Variants in HYOU1 observed in about 807,000 individuals in gnomAD.
HYOU1 encodes hypoxia up-regulated protein 1.
HYOU1 carries 40 observed loss-of-function variants against 120.5 expected under a neutral mutation model. That is an observed-to-expected ratio of 0.33 (90% CI 0.26 to 0.43). The LOEUF is 0.43. HYOU1 is among the 20% of genes least tolerant of loss of function. The probability of loss-of-function intolerance (pLI) is 1.00; values close to 1 mark genes in which losing one functional copy is unlikely to be tolerated. For synonymous variants in HYOU1, 501 were observed against 479.4 expected, an observed-to-expected ratio of 1.05 and a Z score of -0.59; for missense variants, 1,085 against 1,278.3, an observed-to-expected ratio of 0.85 and a Z score of 2.31.
Position 119,046,762 on chromosome 11 carries a change from G to T in HYOU1, c.2636C>A (p.Pro879His). The T allele has an allele frequency of 6.2e-7, 1 of 1,603,862 alleles. No homozygotes were observed. Among genetic ancestry groups the T allele is most frequent in the Non-Finnish European group, 8.5e-7 (1 of 1,179,978 alleles). Residue 879 changes from proline to histidine, a missense_variant, in exon 23 of 26, where the codon CCC (proline) becomes CAC (histidine). Pro to His is a moderately conservative substitution (Grantham distance 77). This residue lies in a region of HYOU1 where 516 missense variants were observed against 517.1 expected (regional missense o/e 1.00). Coordinates refer to ENST00000617285, the MANE Select transcript of HYOU1 (RefSeq NM_006389.5). ...NATLAEQAKL[P>H]ATEKPVLLSK... ...GAGCAACACAGGCTTCTCTGTGGCG[G>T]GCAGCTTAGCCTGCTCGGCCAGAGT...
chr11:119,046,667 A>C lies in HYOU1; in HGVS notation c.2731T>G (p.Phe911Val). 1 of 1,613,820 alleles carries C rather than the reference A, an allele frequency of 6.2e-7. No individual in the cohort carries two copies. The highest frequency in any genetic ancestry group is 2.2e-5 in the East Asian group (1 of 44,864). Residue 911 changes from phenylalanine to valine, a missense_variant, in exon 23 of 26, where the codon TTT becomes GTT. By Grantham distance (50) the Phe-to-Val change is conservative. Coordinates refer to ENST00000617285, the MANE Select transcript of HYOU1 (RefSeq NM_006389.5). ...TTAGGCCGGGGCCGGGGCTTGGTAA[A>C]CTTGGCCTTATTGAGCAGATACTGC... ...EVQYLLNKAK[F>V]TKPRPRPKDK...
chr11:119,048,594 G>A lies in HYOU1; in HGVS notation c.2166-31C>T. 6.2e-7 allele frequency: 1 copy of A among 1,612,046 alleles called. No individual in the cohort carries two copies. The highest frequency in any genetic ancestry group is 1.1e-5 in the South Asian group (1 of 91,034). ...GGACAAAGGAGGGGTAGGGATGAGG[G>A]AGAGGGCAAGTGAGAACTTGAGACT... On this transcript the variant is annotated intron_variant, in intron 18 of 25. Transcript: ENST00000617285. The surrounding 1 kb of genome is among the most constrained non-coding windows in gnomAD (Gnocchi z 4.7).
chr11:119,050,161 C>G (rs1944336677), intron 14 of HYOU1, among the ~76,000 whole-genome samples: 1 of 152,200 alleles, frequency 6.6e-6, no homozygotes, highest in Non-Finnish European at 1.5e-5. Flanking sequence ...CCTGTAATCT[C>G]AACACTTTGG....
At position 119,048,078 on chromosome 11, in the gene HYOU1, C is replaced by A; in HGVS notation, c.2379G>T (p.Met793Ile). The part of the protein sequence containing the change: ...EDEGVGATTV[M>I]LKEKLAELRK... ...TCAGCTCAGCCAGCTTCTCCTTCAA[C>A]ATCTGATGGATGTGCGATTGGGCAG... Residue 793 changes from methionine to isoleucine, a missense_variant and splice_region_variant, in exon 21 of 26, where the codon ATG (methionine) becomes ATT (isoleucine). Physicochemically the swap from Met to Ile is conservative, Grantham distance 10. This residue lies in a region of HYOU1 where 516 missense variants were observed against 517.1 expected (regional missense o/e 1.00). Coordinates refer to ENST00000617285, the MANE Select transcript of HYOU1 (RefSeq NM_006389.5). This position sits in a 1 kb window ranked among gnomAD's most constrained non-coding sequence, Gnocchi z 4.7. 1.2e-6 allele frequency: 2 copies of A among 1,614,160 alleles called. No individual in the cohort carries two copies. The highest frequency in any genetic ancestry group is 2.2e-5 in the South Asian group (2 of 91,084).
At chr11:119,050,883 G>C (rs937642591) in intron 14 of HYOU1, 152 bp downstream of exon 14, 1 of 788,968 alleles carries the variant, frequency 1.3e-6, no homozygotes. Context: ...GTCTGCACCA[G>C]ATCATCAGTT....
In HYOU1 at chr11:119,052,360, C is replaced by T; in HGVS notation, c.1057G>A (p.Ala353Thr). 1 of 1,614,244 alleles carries T rather than the reference C, an allele frequency of 6.2e-7. No individual in the cohort carries two copies. Among genetic ancestry groups the T allele is most frequent in the South Asian group, 1.1e-5 (1 of 91,088 alleles). ...VTRVEFEELC[A>T]DLFERVPGPV... is the part of the protein sequence containing the mutation. ...CCAGGCACCCGCTCAAACAAGTCTG[C>T]ACACAACTCCTCAAATTCCACACGA... is the stretch of plus-strand genomic sequence containing the variant. Residue 353 changes from alanine (A) to threonine (T), a missense_variant, in exon 10 of 26, where the codon GCA becomes ACA. Ala to Thr is a moderately conservative substitution (Grantham distance 58, BLOSUM62 0). This residue lies in a region of HYOU1 where 515 missense variants were observed against 677.8 expected (regional missense o/e 0.76). Transcript: ENST00000617285. The surrounding 1 kb of genome is among the most constrained non-coding windows in gnomAD (Gnocchi z 5.0).
Position 119,056,050 on chromosome 11 carries a change from C to T in HYOU1, c.91+20G>A. Reference sequence around the variant, plus strand: ...TTCAGTCATCATTTATCCATTTGCTCCCTCTACTGGGGTACATACCACTCA... The same window carrying T: ...TTCAGTCATCATTTATCCATTTGCTTCCTCTACTGGGGTACATACCACTCA... On this transcript the variant is annotated intron_variant, in intron 2 of 25. Coordinates refer to ENST00000617285, the MANE Select transcript of HYOU1 (RefSeq NM_006389.5). 6.2e-7 allele frequency: 1 copy of T among 1,602,912 alleles called. No homozygotes were observed. The highest frequency in any genetic ancestry group is 8.5e-7 in the Non-Finnish European group (1 of 1,169,868).
chr11:119,047,883 A>G, intron 21 of HYOU1, 64 bp downstream of exon 21: 1 of 1,613,402 alleles, frequency 6.2e-7, no homozygotes. Flanking sequence ...GGGAGTGGGA[A>G]GCTGGTAGGA....
Position 119,045,331 on chromosome 11 carries a change from T to C in HYOU1, c.*262A>G, listed in dbSNP as rs115695817. On this transcript the variant is annotated 3_prime_UTR_variant, in exon 26 of 26. Transcript: ENST00000617285. The stretch of plus-strand genomic sequence containing the variant: ...GGATTCAGAAATTAATAGTGATTTT[T>C]CCCAAATTTAGGGCCTATATGGGTA... 5.2e-3 allele frequency: 3,267 copies of C among 623,940 alleles called. 73 individuals carry two copies. Among genetic ancestry groups the C allele is most frequent in the African/African-American group, 0.051 (2,805 of 55,250 alleles). The allele number at this position is 623,940 out of a possible 1,614,324, so 38.7% of individuals were successfully genotyped here.
chr11:119,052,461 T>C lies in HYOU1; in HGVS notation c.988-32A>G, dbSNP rs2133593087. On this transcript the variant is annotated intron_variant, in intron 9 of 25. Transcript: ENST00000617285. The surrounding 1 kb of genome is among the most constrained non-coding windows in gnomAD (Gnocchi z 5.0). ...GAGGATGGGGACTGTCAGGGGGTTCTTGCCCAGCTCCCGCTCTCTTGGTGA... is the reference window on the plus strand; with the variant it reads ...GAGGATGGGGACTGTCAGGGGGTTCCTGCCCAGCTCCCGCTCTCTTGGTGA... 1.4e-5 allele frequency: 23 copies of C among 1,613,990 alleles called. No homozygotes were observed. The South Asian group carries it at 2.2e-4, about 15-fold the overall frequency.
chr11:119,051,363 C>G lies in HYOU1; in HGVS notation c.1526+75G>C. ...CCCCGCAGGCCCACATCCTCCCTCA[C>G]CCCCAGTCCTCAGATTATCCAGCAG... On this transcript the variant is annotated intron_variant, in intron 13 of 25. Transcript: ENST00000617285. This position sits in a 1 kb window ranked among gnomAD's most constrained non-coding sequence, Gnocchi z 4.2. The G allele has an allele frequency of 6.5e-7, 1 of 1,535,406 alleles. No homozygotes were observed. The highest frequency in any genetic ancestry group is 8.9e-7 in the Non-Finnish European group (1 of 1,119,526).
intron 25 of HYOU1, 54 bp from the exon 26 acceptor site, chr11:119,045,708 A>G: frequency 6.2e-7 from 1 of 1,613,076 alleles, no homozygotes. Flanking sequence ...CAGAGGAACC[A>G]ACCCCAGTTC....
intron 6 of HYOU1, 127 bp downstream of exon 6, chr11:119,054,857 G>T (rs966368278): frequency 2.6e-6 from 3 of 1,140,162 alleles, no homozygotes; most frequent in Admixed American, 2.2e-5. Flanking sequence ...CCCCTCAGAT[G>T]TGACAACCAA....
chr11:119,047,813 GC>G lies in HYOU1; in HGVS notation c.2515del (p.Ala839ProfsTer16). 1 of 1,613,714 alleles carries G rather than the reference GC, an allele frequency of 6.2e-7. No homozygotes were observed. On this transcript the variant is annotated frameshift_variant, in exon 22 of 26. Coordinates refer to ENST00000617285, the MANE Select transcript of HYOU1 (RefSeq NM_006389.5). LOFTEE classifies it high-confidence loss of function. ...CTGGTCCATCTCTGGGATGAGCCGGGCCCCCCTGGAAGCCAGAAAGGAGACC... is the reference window on the plus strand; with the variant it reads ...CTGGTCCATCTCTGGGATGAGCCGGGCCCCCTGGAAGCCAGAAAGGAGACC... ...LNHSSMFLKG[A>X]RLIPEMDQIF...
intron 6 of HYOU1, 33 bp downstream of exon 6, chr11:119,054,951 C>T (rs1944665706): frequency 1.2e-6 from 2 of 1,601,348 alleles, no homozygotes; most frequent in East Asian, 2.2e-5. Flanking sequence ...TCCTGGGGAG[C>T]CTGGCCCTAA....
chr11:119,055,896 G>A lies in HYOU1; in HGVS notation c.92-53C>T, dbSNP rs962545769. 1.3e-6 allele frequency: 2 copies of A among 1,500,422 alleles called. No individual in the cohort carries two copies. The highest frequency in any genetic ancestry group is 2.8e-5 in the African/African-American group (2 of 72,604). The allele number at this position is 1,500,422 out of a possible 1,614,324, so 92.9% of individuals were successfully genotyped here. ...GCTCTCCCTTCGCCCACCTTCCTGG[G>A]ACTCCCTCTAATCAAAGCATACCAC... is the stretch of plus-strand genomic sequence containing the variant. On this transcript the variant is annotated intron_variant, in intron 2 of 25. Transcript: ENST00000617285. This position sits in a 1 kb window ranked among gnomAD's most constrained non-coding sequence, Gnocchi z 4.0.
chr11:119,051,338 CCCCGCAGG>C lies in HYOU1; in HGVS notation c.1526+92_1526+99del, dbSNP rs1944424035. 2 of 1,488,274 alleles carry C rather than the reference CCCCGCAGG, an allele frequency of 1.3e-6. No homozygotes were observed. The highest frequency in any genetic ancestry group is 1.8e-6 in the Non-Finnish European group (2 of 1,085,398). 92.2% of individuals were successfully genotyped at this position (1,488,274 alleles called of 1,614,324 possible). On this transcript the variant is annotated intron_variant, in intron 13 of 25. Coordinates refer to ENST00000617285, the MANE Select transcript of HYOU1 (RefSeq NM_006389.5). The surrounding 1 kb of genome is among the most constrained non-coding windows in gnomAD (Gnocchi z 4.2). ...GCTGATCATAGCTGCCCTGTTTCAG[CCCCGCAGG>C]CCCACATCCTCCCTCACCCCCAGTC... is the stretch of plus-strand genomic sequence containing the variant.
rs1481294978 is a variant in HYOU1 at position 119,052,335 on chromosome 11, C to T, written c.1082G>A (p.Gly361Glu). The change falls in exon 10 of 26, where the codon GGG becomes GAG. Residue 361 changes from glycine to glutamate, a missense_variant. By Grantham distance (98) the Gly-to-Glu change is moderately conservative. This residue lies in a region of HYOU1 where 515 missense variants were observed against 677.8 expected (regional missense o/e 0.76). Transcript: ENST00000617285. This position sits in a 1 kb window ranked among gnomAD's most constrained non-coding sequence, Gnocchi z 5.0. ...LCADLFERVP[G>E]PVQQALQSAE... is the part of the protein sequence containing the mutation. Reference sequence around the variant, plus strand: ...ACTCTGGAGGGCCTGCTGTACAGGCCCAGGCACCCGCTCAAACAAGTCTGC... The same window carrying T: ...ACTCTGGAGGGCCTGCTGTACAGGCTCAGGCACCCGCTCAAACAAGTCTGC... 6.2e-7 allele frequency: 1 copy of T among 1,614,196 alleles called. No homozygotes were observed. Among genetic ancestry groups the T allele is most frequent in the African/African-American group, 1.3e-5 (1 of 75,056 alleles).
intron 24 of HYOU1, among the ~76,000 whole-genome samples, chr11:119,046,109 C>T (rs1454984405): frequency 6.6e-6 from 1 of 151,956 alleles, no homozygotes; most frequent in African/African-American, 2.4e-5. Context: ...TAAAGGTGTG[C>T]GCCACCACGC....
Sources: allele counts gnomAD v4.1 joint callset (sites outside exome capture counted in the v4.1 genomes callset), GRCh38; gene constraint gnomAD v4.1.1; regional missense constraint gnomAD v4.1.1; non-coding constraint Gnocchi (gnomAD v3.1); transcripts MANE v1.5; gene names NCBI Gene and HGNC (gene_info 2026-07-23, HGNC 2026-07-21).